Variants in PHF24 observed in about 807,000 individuals in gnomAD.
The protein encoded by PHF24 is Galpha inhibitory interacting protein.
In PHF24, 25 loss-of-function variants were observed where a neutral mutation model predicts 42.6. The ratio of observed to expected loss-of-function variants is 0.59; its 90% CI spans 0.43 to 0.82. PHF24 has a LOEUF of 0.82. Among genes scored for constraint, PHF24 ranks in the 40% least tolerant of loss-of-function variants. The pLI is 0.00. For missense variants in PHF24, 470 were observed against 538.1 expected, an observed-to-expected ratio of 0.87 and a Z score of 1.25; for synonymous variants, 185 against 204.8, an observed-to-expected ratio of 0.90 and a Z score of 0.83.
At chr9:34,779,432 C>G in the PHF24 span, among the ~76,000 whole-genome samples, 1 of 152,148 alleles carries the variant, frequency 6.6e-6, no homozygotes, top group Admixed American at 6.5e-5. Flanking sequence ...GACGGCAATG[C>G]TCCCTATATT....
chr9:34,935,740 G>T, the PHF24 span, among the ~76,000 whole-genome samples: 13 of 149,210 alleles, frequency 8.7e-5, no homozygotes, highest in South Asian at 2.2e-4. Flanking sequence ...GTGTGTGGGG[G>T]GGGGGTGTGT....
the PHF24 span, among the ~76,000 whole-genome samples, chr9:34,799,453 G>A: frequency 6.6e-6 from 1 of 152,102 alleles, no homozygotes; most frequent in South Asian, 2.1e-4. Context: ...TCATGTATTT[G>A]TTATTATAAC....
the PHF24 span, chr9:34,690,273 C>A: frequency 6.2e-7 from 1 of 1,614,070 alleles, no homozygotes. Flanking sequence ...CACGATGTAC[C>A]CAGGGATGGG....
At chr9:34,888,003 T>TA in the PHF24 span, among the ~76,000 whole-genome samples, 112 of 151,632 alleles carry the variant, frequency 7.4e-4, no homozygotes, top group Middle Eastern at 3.4e-3. Context: ...GTTTTTTTTT[T>TA]AATTATTATA....
At chr9:34,744,910 A>G in the PHF24 span, among the ~76,000 whole-genome samples, 7 of 152,318 alleles carry the variant, frequency 4.6e-5, no homozygotes, top group African/African-American at 7.2e-5. Flanking sequence ...ATACTCATTA[A>G]TCATCTGCTC....
the PHF24 span, chr9:34,832,922 C>T: frequency 0.41 from 635,374 of 1,549,166 alleles, 135,083 homozygotes; most frequent in East Asian, 0.69. Flanking sequence ...CCCAGGGACT[C>T]GTGGAGGTAG....
chr9:34,729,028 G>A, the PHF24 span, among the ~76,000 whole-genome samples: 5 of 152,190 alleles, frequency 3.3e-5, no homozygotes, highest in Admixed American at 6.5e-5. Context: ...GAGAGCTTCC[G>A]AGATCCAGCA....
the PHF24 span, among the ~76,000 whole-genome samples, chr9:34,684,511 G>A: frequency 6.6e-6 from 1 of 152,122 alleles, no homozygotes; most frequent in Non-Finnish European, 1.5e-5. Flanking sequence ...AGGGTTTCCT[G>A]AGAGGAATGG....
chr9:34,729,392 T>G, the PHF24 span: 1 of 1,551,254 alleles, frequency 6.4e-7, no homozygotes, highest in Non-Finnish European at 8.7e-7. Context: ...ATAAGGGATA[T>G]CCAACTTCCC....
At chr9:34,949,333 A>AATT in the PHF24 span, among the ~76,000 whole-genome samples, 1 of 152,154 alleles carries the variant, frequency 6.6e-6, no homozygotes, top group Admixed American at 6.5e-5. Flanking sequence ...GTGATCTTTA[A>AATT]AAAGTCTGGA....
chr9:34,689,263 A>C, the PHF24 span, among the ~76,000 whole-genome samples: 3 of 152,150 alleles, frequency 2.0e-5, no homozygotes, highest in South Asian at 2.1e-4. The surrounding 1 kb of genome is among the most constrained non-coding windows in gnomAD (Gnocchi z 4.1). Flanking sequence ...AGTGGGAGGC[A>C]TGAGACGCTG....
chr9:34,673,056 C>A, the PHF24 span, among the ~76,000 whole-genome samples: 4 of 152,092 alleles, frequency 2.6e-5, no homozygotes, highest in South Asian at 2.1e-4. Flanking sequence ...GGAATGAGAT[C>A]CCTACACAAA....
At chr9:34,669,688 C>G in the PHF24 span, among the ~76,000 whole-genome samples, 1 of 152,078 alleles carries the variant, frequency 6.6e-6, no homozygotes, top group African/African-American at 2.4e-5. Context: ...CTAAAACTTT[C>G]ATTTTCTACG....
At chr9:34,709,456 G>A in the PHF24 span, 2 of 1,613,286 alleles carry the variant, frequency 1.2e-6, no homozygotes, top group South Asian at 2.2e-5. Flanking sequence ...GGTGTGAGGG[G>A]CTGACTGAGG....
the PHF24 span, among the ~76,000 whole-genome samples, chr9:34,875,950 A>ACTCTCTCTCTCTCT: frequency 2.3e-3 from 178 of 78,724 alleles, 1 homozygote; most frequent in African/African-American, 7.8e-3. Flanking sequence ...ACACACACAC[A>ACTCTCTCTCTCTCT]CTCTCTCTCT....
At chr9:34,823,796 G>A in the PHF24 span, among the ~76,000 whole-genome samples, 3 of 152,140 alleles carry the variant, frequency 2.0e-5, no homozygotes, top group Admixed American at 1.3e-4. Flanking sequence ...GAGGCACTGA[G>A]GCAGCCGAGA....
At chr9:34,878,046 T>C in the PHF24 span, among the ~76,000 whole-genome samples, 1 of 152,254 alleles carries the variant, frequency 6.6e-6, no homozygotes, top group East Asian at 1.9e-4. Flanking sequence ...CCAATGTAAA[T>C]GACAGGCTTT....
the PHF24 span, among the ~76,000 whole-genome samples, chr9:34,737,114 A>G: frequency 6.6e-6 from 1 of 152,220 alleles, no homozygotes; most frequent in Non-Finnish European, 1.5e-5. Flanking sequence ...TACATTCACA[A>G]CATGGTGCAA....
the PHF24 span, among the ~76,000 whole-genome samples, chr9:34,933,686 C>T: frequency 5.7e-4 from 85 of 150,194 alleles, no homozygotes; most frequent in Non-Finnish European, 1.5e-4. Context: ...GATCACGCCA[C>T]TGCACTTCAG....
Sources: gnomAD v4.1 joint callset for allele counts (sites outside exome capture counted in the v4.1 genomes callset) on GRCh38, gnomAD v4.1.1 for gene constraint, Gnocchi (gnomAD v3.1) non-coding constraint, MANE v1.5 for transcripts, NCBI Gene and HGNC (gene_info 2026-07-23, HGNC 2026-07-21) for gene names.